The following EPHA3 variants were observed in gnomAD, a reference collection of about 807,000 sequenced individuals.
EPHA3 encodes the protein EPH receptor A3.
In EPHA3, 42 loss-of-function variants were observed where a neutral mutation model predicts 107.1. The ratio of observed to expected loss-of-function variants is 0.39; its 90% CI spans 0.31 to 0.51. EPHA3 has a LOEUF of 0.51. Among genes scored for constraint, EPHA3 ranks in the 20% least tolerant of loss-of-function variants. EPHA3 has a pLI of 0.78. For synonymous variants in EPHA3, 461 were observed against 424.8 expected, an observed-to-expected ratio of 1.09 and a Z score of -1.05; for missense variants, 1,183 against 1,211.2, an observed-to-expected ratio of 0.98 and a Z score of 0.35.
Position 89,160,489 on chromosome 3 carries a change from CT to C in EPHA3, c.153+33217del, listed in dbSNP as rs1436813487. On this transcript the variant is annotated intron_variant, in intron 2 of 16. Transcript: ENST00000336596. ...TTCTTAAGTAAATAATTATAAATAA[CT>C]GTTCATAAGTAAATAAAGCTTTATA... Among the ~76,000 whole-genome samples the C allele has an allele frequency of 2.7e-5, 4 of 149,428 alleles. No individual in the cohort carries two copies. In the East Asian group the frequency reaches 7.9e-4, roughly 30 times the overall value.
chr3:89,116,922 AT>A (rs1238583466), intron 1 of EPHA3, among the ~76,000 whole-genome samples: 5 of 151,766 alleles, frequency 3.3e-5, no homozygotes, highest in Admixed American at 6.6e-5. Context: ...TTTTCCTATT[AT>A]TTGATTTTTT....
At chr3:89,477,287 G>T (rs1210939055) in intron 16 of EPHA3, among the ~76,000 whole-genome samples, 1 of 152,108 alleles carries the variant, frequency 6.6e-6, no homozygotes, top group Non-Finnish European at 1.5e-5. Flanking sequence ...CTGAGAAAGA[G>T]TATGATCAGA....
intron 3 of EPHA3, among the ~76,000 whole-genome samples, chr3:89,330,490 T>C (rs1707260935): frequency 6.6e-6 from 1 of 151,960 alleles, no homozygotes; most frequent in African/African-American, 2.4e-5. Flanking sequence ...AAAAATAAAG[T>C]GGGATGGAAA....
At chr3:89,276,792 A>G (rs1247193123) in intron 3 of EPHA3, among the ~76,000 whole-genome samples, 2 of 152,082 alleles carry the variant, frequency 1.3e-5, no homozygotes, top group African/African-American at 4.8e-5. Context: ...TTTCTATAGC[A>G]CTAAAAGACA....
intron 15 of EPHA3, among the ~76,000 whole-genome samples, chr3:89,471,182 A>G (rs1710393760): frequency 6.6e-6 from 1 of 151,662 alleles, no homozygotes; most frequent in African/African-American, 2.4e-5. Context: ...TGAAGAAAAA[A>G]AAAAACACAC....
chr3:89,173,177 T>C (rs1335994044), intron 2 of EPHA3, among the ~76,000 whole-genome samples: 7 of 152,146 alleles, frequency 4.6e-5, no homozygotes, highest in Non-Finnish European at 1.0e-4. Flanking sequence ...CATGTAACTC[T>C]AAGTAGAGAT....
intron 3 of EPHA3, among the ~76,000 whole-genome samples, chr3:89,274,860 C>T (rs1705767205): frequency 6.6e-6 from 1 of 152,062 alleles, no homozygotes; most frequent in East Asian, 1.9e-4. Context: ...CCTCCCAGTA[C>T]AAAGATAATA....
chr3:89,440,591 A>G (rs1339758208), intron 13 of EPHA3, among the ~76,000 whole-genome samples: 1 of 152,216 alleles, frequency 6.6e-6, no homozygotes, highest in Non-Finnish European at 1.5e-5. Flanking sequence ...TTTTAGCCAC[A>G]TGTCTCATTG....
rs544893459 is a variant in EPHA3, at chr3:89,392,702, A to T, written c.1307-3135A>T. On this transcript the variant is annotated intron_variant, in intron 5 of 16. Transcript: ENST00000336596. ...TCTGTCATACAGTGTACACTGCAATATCATGAATTTTTGTACAGAAAAACA... is the reference window on the plus strand; with the variant it reads ...TCTGTCATACAGTGTACACTGCAATTTCATGAATTTTTGTACAGAAAAACA... Among the ~76,000 whole-genome samples the T allele has an allele frequency of 2.9e-4, 44 of 152,250 alleles. No individual in the cohort carries two copies. In the South Asian group the frequency reaches 7.5e-3, roughly 26 times the overall value.
At chr3:89,134,224 TAAA>T (rs200749972) in intron 2 of EPHA3, among the ~76,000 whole-genome samples, 3 of 149,678 alleles carry the variant, frequency 2.0e-5, no homozygotes, top group Admixed American at 6.6e-5. Context: ...TTTTTTTTTT[TAAA>T]AAAATTATAC....
chr3:89,340,542 G>C (rs1056920196), intron 3 of EPHA3, among the ~76,000 whole-genome samples: 1 of 152,218 alleles, frequency 6.6e-6, no homozygotes, highest in Non-Finnish European at 1.5e-5. Flanking sequence ...TTGCTGCAGT[G>C]CAGATAGTAT....
At chr3:89,400,954 A>G (rs1310742801) in intron 7 of EPHA3, among the ~76,000 whole-genome samples, 1 of 152,222 alleles carries the variant, frequency 6.6e-6, no homozygotes, top group African/African-American at 2.4e-5. Context: ...ACTCTGCTGA[A>G]TGGAATATAA....
chr3:89,475,905 T>C (rs1424073450), intron 16 of EPHA3, among the ~76,000 whole-genome samples: 1 of 147,244 alleles, frequency 6.8e-6, no homozygotes, highest in African/African-American at 2.5e-5. Flanking sequence ...CAGCAGCAAC[T>C]GGGGGTTCCA....
chr3:89,282,177 T>C (rs569442222), intron 3 of EPHA3, among the ~76,000 whole-genome samples: 1 of 152,250 alleles, frequency 6.6e-6, no homozygotes, highest in South Asian at 2.1e-4. Context: ...ACATTTCTCA[T>C]GCTTGAACTA....
chr3:89,424,772 T>A (rs1709423703), intron 11 of EPHA3, among the ~76,000 whole-genome samples: 1 of 151,508 alleles, frequency 6.6e-6, no homozygotes, highest in Non-Finnish European at 1.5e-5. Context: ...CTTACATTAT[T>A]GTGCTTACTG....
intron 13 of EPHA3, among the ~76,000 whole-genome samples, chr3:89,433,685 C>CA (rs1709613551): frequency 6.6e-6 from 1 of 152,116 alleles, no homozygotes; most frequent in Admixed American, 6.6e-5. Context: ...TTAACAAACA[C>CA]AATTCAAATG....
At chr3:89,305,609 A>G (rs572385666) in intron 3 of EPHA3, among the ~76,000 whole-genome samples, 14 of 152,228 alleles carry the variant, frequency 9.2e-5, no homozygotes, top group African/African-American at 2.9e-4. Flanking sequence ...CAGTCATTCT[A>G]TATTTGGGTT....
At chr3:89,454,543 C>T (rs570717710) in intron 15 of EPHA3, among the ~76,000 whole-genome samples, 1 of 152,294 alleles carries the variant, frequency 6.6e-6, no homozygotes, top group South Asian at 2.1e-4. Flanking sequence ...CCTAACTTGT[C>T]CCCTGCTTTG....
intron 3 of EPHA3, among the ~76,000 whole-genome samples, chr3:89,282,443 A>T (rs1705971730): frequency 6.6e-6 from 1 of 152,106 alleles, no homozygotes; most frequent in African/African-American, 2.4e-5. Flanking sequence ...AGCATAGGTC[A>T]TCTGCTATAT....
Sources: allele counts gnomAD v4.1 joint callset (sites outside exome capture counted in the v4.1 genomes callset), GRCh38; gene constraint gnomAD v4.1.1; transcripts MANE v1.5; gene names NCBI Gene and HGNC (gene_info 2026-07-23, HGNC 2026-07-21).